The following EIPR1 variants were observed in gnomAD, a reference collection of about 807,000 sequenced individuals.
EIPR1 encodes the protein EARP complex and GARP complex interacting protein 1, also known as EARP and GARP complex-interacting protein 1.
In EIPR1, 25 loss-of-function variants were observed where a neutral mutation model predicts 48.1. That is an observed-to-expected ratio of 0.52 (90% CI 0.38 to 0.73). The LOEUF (loss-of-function observed/expected upper bound fraction) is 0.73, where lower values mean the gene tolerates loss of function less well. Ranked by LOEUF, EIPR1 falls within the 30% of genes least tolerant of loss-of-function variation. The probability of loss-of-function intolerance (pLI) is 0.00; values close to 1 mark genes in which losing one functional copy is unlikely to be tolerated. For missense variants in EIPR1, 415 were observed against 506.2 expected, an observed-to-expected ratio of 0.82 and a Z score of 1.73; for synonymous variants, 204 against 201.9, an observed-to-expected ratio of 1.01 and a Z score of -0.09.
intron 4 of EIPR1, among the ~76,000 whole-genome samples, chr2:3,218,928 G>C (rs565820462): frequency 1.6e-4 from 24 of 150,210 alleles, no homozygotes; most frequent in Non-Finnish European, 5.9e-5. Context: ...ATACGCTCTA[G>C]AGCATTCACA....
At chr2:3,245,556 A>C (rs1413364174) in intron 4 of EIPR1, among the ~76,000 whole-genome samples, 1 of 152,254 alleles carries the variant, frequency 6.6e-6, no homozygotes, top group Non-Finnish European at 1.5e-5. Context: ...ACTTGAAAGA[A>C]GACATTTTTC....
Position 3,319,975 on chromosome 2 carries a change from G to GC in EIPR1, c.259+18041_259+18042insG, listed in dbSNP as rs536053200. The GC allele has an allele frequency of 1.9e-3, 226 of 116,532 alleles. 1 individual carries two copies. Among genetic ancestry groups the GC allele is most frequent in the Non-Finnish European group, 2.7e-3 (158 of 59,394 alleles). The allele number at this position is 116,532 out of a possible 1,614,324, so 7.2% of individuals were successfully genotyped here. A position where few individuals can be genotyped will look rare whatever the true frequency, so the allele number is the denominator to read the frequency against. ...CACCCCTGCGGGCAACACCACCCCT[G>GC]AGGCAGAGCAATACCACACCTGCGG... On this transcript the variant is annotated intron_variant, in intron 3 of 8. Transcript: ENST00000382125.
intron 3 of EIPR1, among the ~76,000 whole-genome samples, chr2:3,269,508 C>CATCGCACTCAATCATCGCACTCA (rs1365063882): frequency 2.8e-4 from 6 of 21,706 alleles, no homozygotes; most frequent in South Asian, 2.4e-3. Flanking sequence ...CGCACTCAAT[C>CATCGCACTCAATCATCGCACTCA]ATCATCACAC....
intron 2 of EIPR1, among the ~76,000 whole-genome samples, chr2:3,347,714 A>C (rs1670446216): frequency 6.6e-6 from 1 of 152,248 alleles, no homozygotes; most frequent in African/African-American, 2.4e-5. Flanking sequence ...AAAACAATTA[A>C]AGAATTTCCA....
intron 2 of EIPR1, among the ~76,000 whole-genome samples, chr2:3,339,813 G>A (rs534137023): frequency 1.5e-4 from 23 of 152,344 alleles, no homozygotes; most frequent in Admixed American, 5.9e-4. Context: ...AGCCGGGCGT[G>A]GTGGCGGGCA....
At chr2:3,214,122 A>T in intron 5 of EIPR1, 27 bp downstream of exon 5, 1 of 1,601,332 alleles carries the variant, frequency 6.2e-7, no homozygotes, top group Non-Finnish European at 8.5e-7. Flanking sequence ...ATACAGAAAC[A>T]AACGCTGTGT....
chr2:3,352,595 T>C (rs1670612711), intron 2 of EIPR1, among the ~76,000 whole-genome samples: 1 of 152,278 alleles, frequency 6.6e-6, no homozygotes, highest in African/African-American at 2.4e-5. Flanking sequence ...GCTGTTGACA[T>C]ATCCTCTGAA....
At chr2:3,339,212 A>G (rs1670158488) in intron 2 of EIPR1, among the ~76,000 whole-genome samples, 1 of 152,234 alleles carries the variant, frequency 6.6e-6, no homozygotes, top group African/African-American at 2.4e-5. Flanking sequence ...AATGAGAACC[A>G]GCAGGTAGGT....
At chr2:3,343,219 G>A (rs1670302950) in intron 2 of EIPR1, among the ~76,000 whole-genome samples, 1 of 150,454 alleles carries the variant, frequency 6.6e-6, no homozygotes, top group South Asian at 2.1e-4. Context: ...AAGCCAGAGT[G>A]AGAGGCAGCT....
chr2:3,237,098 G>A (rs1666428908), intron 4 of EIPR1, among the ~76,000 whole-genome samples: 1 of 152,128 alleles, frequency 6.6e-6, no homozygotes, highest in Admixed American at 6.6e-5. Context: ...TAGACTGAGT[G>A]ATCCCCACAC....
chr2:3,339,163 CTTTTG>C lies in EIPR1; in HGVS notation c.127-1019_127-1015del, dbSNP rs200337376. 1.5e-3 allele frequency among the ~76,000 whole-genome samples: 225 copies of C among 152,264 alleles called. 1 individual carries two copies. In the East Asian group the frequency reaches 0.018, roughly 12 times the overall value. Reference sequence around the variant, plus strand: ...AAAGAAACTGTACGAATGCTACATCCTTTTGTTTTGTTTTGTTTTAAAAATGTACG... The same window carrying C: ...AAAGAAACTGTACGAATGCTACATCCTTTTGTTTTGTTTTAAAAATGTACG... On this transcript the variant is annotated intron_variant, in intron 2 of 8. Transcript: ENST00000382125.
intron 3 of EIPR1, among the ~76,000 whole-genome samples, chr2:3,309,985 T>C (rs1400713912): frequency 6.6e-6 from 1 of 152,090 alleles, no homozygotes. Flanking sequence ...GCAGGGACGC[T>C]CCCTGCGCTG....
At chr2:3,231,893 A>G (rs1208523421) in intron 4 of EIPR1, among the ~76,000 whole-genome samples, 1 of 152,236 alleles carries the variant, frequency 6.6e-6, no homozygotes, top group Non-Finnish European at 1.5e-5. Context: ...TTGTGGAAAG[A>G]ATTTGAAAAG....
At chr2:3,341,113 A>AAAAAAAAAT (rs1670231415) in intron 2 of EIPR1, among the ~76,000 whole-genome samples, 1 of 148,438 alleles carries the variant, frequency 6.7e-6, no homozygotes, top group African/African-American at 2.5e-5. Flanking sequence ...AAAAAAAAAA[A>AAAAAAAAAT]AAAAAAACAA....
chr2:3,365,131 T>C (rs1670941281), intron 1 of EIPR1, among the ~76,000 whole-genome samples: 2 of 144,974 alleles, frequency 1.4e-5, no homozygotes, highest in South Asian at 2.3e-4. Flanking sequence ...ATTTAAAAAA[T>C]TGTTTTAATT....
chr2:3,240,721 C>A (rs1479878818), intron 4 of EIPR1, among the ~76,000 whole-genome samples: 311 of 113,206 alleles, frequency 2.7e-3, no homozygotes, highest in Admixed American at 4.8e-3. Flanking sequence ...CCTCCTAAAG[C>A]AAAGCCAGCA....
chr2:3,297,346 G>C (rs1010255158), intron 3 of EIPR1, among the ~76,000 whole-genome samples: 11 of 152,252 alleles, frequency 7.2e-5, no homozygotes, highest in Admixed American at 7.2e-4. Context: ...GCAGCATGCA[G>C]AGACAGCCAT....
intron 5 of EIPR1, among the ~76,000 whole-genome samples, chr2:3,204,161 G>A (rs967051801): frequency 6.6e-6 from 1 of 152,194 alleles, no homozygotes; most frequent in Non-Finnish European, 1.5e-5. Flanking sequence ...TCAGAGGCGG[G>A]CTGTGGCCCC....
chr2:3,214,826 T>C (rs1665575774), intron 4 of EIPR1, among the ~76,000 whole-genome samples: 1 of 152,216 alleles, frequency 6.6e-6, no homozygotes, highest in African/African-American at 2.4e-5. Context: ...TGAGAGGCCA[T>C]AAGTCAGGGA....
Sources: allele counts gnomAD v4.1 joint callset (sites outside exome capture counted in the v4.1 genomes callset), GRCh38; gene constraint gnomAD v4.1.1; transcripts MANE v1.5; gene names NCBI Gene and HGNC (gene_info 2026-07-23, HGNC 2026-07-21).